The following CHST15 variants were observed in gnomAD, a reference collection of about 807,000 sequenced individuals.
CHST15 encodes the protein carbohydrate sulfotransferase 15.
Under a neutral mutation model 53.6 loss-of-function variants are expected in CHST15, and 30 were observed. The ratio of observed to expected loss-of-function variants is 0.56; its 90% CI spans 0.42 to 0.76. The LOEUF is 0.76. Ranked by LOEUF, CHST15 falls within the 30% of genes least tolerant of loss-of-function variation. The probability of loss-of-function intolerance (pLI) is 0.00; values close to 1 mark genes in which losing one functional copy is unlikely to be tolerated. For synonymous variants in CHST15, 296 were observed against 289.8 expected (o/e 1.02, Z -0.22); for missense variants, 627 against 740.5 (o/e 0.85, Z 1.78).
intron 5 of CHST15, among the ~76,000 whole-genome samples, chr10:124,028,988 C>T (rs1231346263): frequency 6.6e-6 from 1 of 152,068 alleles, no homozygotes; most frequent in South Asian, 2.1e-4. Flanking sequence ...TGGGGACACA[C>T]TCATGTCCTC....
At chr10:124,061,167 C>A (rs950621552) in intron 1 of CHST15, among the ~76,000 whole-genome samples, 33 of 152,166 alleles carry the variant, frequency 2.2e-4, no homozygotes, top group African/African-American at 7.7e-4. Context: ...GAGGATGGGA[C>A]ATGCACATTC....
At chr10:124,088,857 T>A (rs879718259) in intron 1 of CHST15, among the ~76,000 whole-genome samples, 1 of 152,188 alleles carries the variant, frequency 6.6e-6, no homozygotes, top group Non-Finnish European at 1.5e-5. Flanking sequence ...TCCTGGACAC[T>A]CCTAACTAGA....
chr10:124,012,180 G>A (rs1459140639), intron 7 of CHST15, among the ~76,000 whole-genome samples, 153 bp downstream of exon 7: 1 of 152,052 alleles, frequency 6.6e-6, no homozygotes, highest in African/African-American at 2.4e-5. Flanking sequence ...TCAATAAATG[G>A]TACTTAACAG....
At position 124,008,653 on chromosome 10, in the gene CHST15, C is replaced by A; in HGVS notation, c.*1496G>T. 9.6e-7 allele frequency: 1 copy of A among 1,039,012 alleles called. No individual in the cohort carries two copies. Among genetic ancestry groups the A allele is most frequent in the Non-Finnish European group, 1.2e-6 (1 of 858,854 alleles). 64.4% of individuals were successfully genotyped at this position (1,039,012 alleles called of 1,614,324 possible). On this transcript the variant is annotated 3_prime_UTR_variant, in exon 8 of 8. Coordinates refer to ENST00000435907, the MANE Select transcript of CHST15 (RefSeq NM_001270764.2). ...AAAGACGGCTGAACAACTGCAGATC[C>A]TCCTACCCCCGAAGCCTGGTCTGTC...
chr10:124,092,649 C>T (rs2134284473), intron 1 of CHST15, among the ~76,000 whole-genome samples: 1 of 152,338 alleles, frequency 6.6e-6, no homozygotes, highest in South Asian at 2.1e-4. Flanking sequence ...AGGCTAGAGC[C>T]AGGGTTCTGG....
In CHST15 at chr10:124,019,945, C is replaced by T; in HGVS notation, c.1347+1311G>A. 1 of 985,886 alleles carries T rather than the reference C, an allele frequency of 1.0e-6. No homozygotes were observed. Among genetic ancestry groups the T allele is most frequent in the African/African-American group, 1.7e-5 (1 of 57,368 alleles). The allele number at this position is 985,886 out of a possible 1,614,324, so 61.1% of individuals were successfully genotyped here. A position where few individuals can be genotyped will look rare whatever the true frequency, so the allele number is the denominator to read the frequency against. On this transcript the variant is annotated intron_variant, in intron 6 of 7. Transcript: ENST00000435907. This position sits in a 1 kb window ranked among gnomAD's most constrained non-coding sequence, Gnocchi z 4.6. ...CCTCTGCACACGCTGCTCTCAGTTC[C>T]CTGGCCAACTCTCCTTCAGGCCTCA...
At chr10:124,014,219 G>T (rs1383879906) in intron 6 of CHST15, among the ~76,000 whole-genome samples, 1 of 152,156 alleles carries the variant, frequency 6.6e-6, no homozygotes, top group Non-Finnish European at 1.5e-5. Context: ...CAGGGACTGT[G>T]GCTTCTCCAC....
chr10:124,062,958 T>G (rs1948631916), intron 1 of CHST15, among the ~76,000 whole-genome samples: 1 of 152,056 alleles, frequency 6.6e-6, no homozygotes, highest in Admixed American at 6.6e-5. Flanking sequence ...ACCAGCAATG[T>G]CTGAATAAAA....
intron 1 of CHST15, among the ~76,000 whole-genome samples, chr10:124,050,354 A>C (rs1326928620): frequency 6.6e-6 from 1 of 152,250 alleles, no homozygotes; most frequent in Non-Finnish European, 1.5e-5. Context: ...AGATAATCAC[A>C]GATGCTGCTA....
In CHST15 at chr10:124,038,070, C is replaced by T. The variant is rs775669057; in HGVS notation, c.1190+445G>A. 4.6e-5 allele frequency among the ~76,000 whole-genome samples: 7 copies of T among 151,948 alleles called. No homozygotes were observed. In the East Asian group the frequency reaches 7.7e-4, roughly 17 times the overall value. On this transcript the variant is annotated intron_variant, in intron 5 of 7. Coordinates refer to ENST00000435907, the MANE Select transcript of CHST15 (RefSeq NM_001270764.2). ...ACACTTACGTAAGAAACAGCAGTAA[C>T]GTTGCAAGTTCCGTTTATTTTTGTT...
chr10:124,029,992 C>T (rs750400761), intron 5 of CHST15, among the ~76,000 whole-genome samples: 35 of 152,342 alleles, frequency 2.3e-4, no homozygotes, highest in Middle Eastern at 3.4e-3. Context: ...TCCTCCTGCT[C>T]GGAACCGTCC....
In CHST15 at chr10:124,009,037, G is replaced by T; in HGVS notation, c.*1112C>A. ...ATTGTGTTTTGGAATTGGGACACGA[G>T]TATCTATAGTCCCTTGCTGGGTGAG... is the stretch of plus-strand genomic sequence containing the variant. On this transcript the variant is annotated 3_prime_UTR_variant, in exon 8 of 8. Transcript: ENST00000435907. 7.8e-7 allele frequency: 1 copy of T among 1,289,160 alleles called. No individual in the cohort carries two copies. Among genetic ancestry groups the T allele is most frequent in the Non-Finnish European group, 1.0e-6 (1 of 988,682 alleles). The allele number at this position is 1,289,160 out of a possible 1,614,324, so 79.9% of individuals were successfully genotyped here.
chr10:124,071,268 A>C (rs575708834), intron 1 of CHST15, among the ~76,000 whole-genome samples: 5 of 152,344 alleles, frequency 3.3e-5, no homozygotes, highest in African/African-American at 1.2e-4. Context: ...CTTTGGGCAA[A>C]GTACCCAAGG....
At position 124,009,734 on chromosome 10, in the gene CHST15, G is replaced by T. The variant is rs554047102; in HGVS notation, c.*415C>A. 7.8e-6 allele frequency: 8 copies of T among 1,031,904 alleles called. No homozygotes were observed. The highest frequency in any genetic ancestry group is 8.2e-6 in the Non-Finnish European group (7 of 857,692). The allele number at this position is 1,031,904 out of a possible 1,614,324, so 63.9% of individuals were successfully genotyped here. A position where few individuals can be genotyped will look rare whatever the true frequency, so the allele number is the denominator to read the frequency against. ...GGGGGAAAAAAAGGGAACGTGAAGT[G>T]TAAGTTCCAGCCAGGCCTGTGGCAT... is the stretch of plus-strand genomic sequence containing the variant. On this transcript the variant is annotated 3_prime_UTR_variant, in exon 8 of 8. Transcript: ENST00000435907.
intron 1 of CHST15, 142 bp downstream of exon 1, chr10:124,093,327 A>C (rs1476355297): frequency 6.6e-6 from 1 of 151,434 alleles, no homozygotes; most frequent in Non-Finnish European, 1.5e-5. Flanking sequence ...GCCGGCCCGG[A>C]CTCCCTACGC....
chr10:124,068,606 A>G (rs1481371127), intron 1 of CHST15, among the ~76,000 whole-genome samples: 2 of 152,230 alleles, frequency 1.3e-5, no homozygotes, highest in Non-Finnish European at 2.9e-5. Flanking sequence ...GAAATGAATT[A>G]CTTTGCTGTC....
intron 1 of CHST15, among the ~76,000 whole-genome samples, chr10:124,059,434 G>T (rs182534852): frequency 6.6e-6 from 1 of 152,242 alleles, no homozygotes; most frequent in East Asian, 1.9e-4. Flanking sequence ...ATGAAAAGCA[G>T]CAGCCCAGAG....
At position 124,036,819 on chromosome 10, in the gene CHST15, T is replaced by C. The variant is rs150116314; in HGVS notation, c.1190+1696A>G. On this transcript the variant is annotated intron_variant, in intron 5 of 7. Transcript: ENST00000435907. The surrounding 1 kb of genome is among the most constrained non-coding windows in gnomAD (Gnocchi z 5.1). ...CCACAACAAACACGCCTTATTGTTA[T>C]AATTGGCAAATACGTGGGGCCAGGA... is the stretch of plus-strand genomic sequence containing the variant. Among the ~76,000 whole-genome samples the C allele has an allele frequency of 1.2e-3, 184 of 152,338 alleles. No homozygotes were observed. The highest frequency in any genetic ancestry group is 4.0e-3 in the African/African-American group (168 of 41,574).
chr10:124,013,802 C>T (rs4590808), intron 6 of CHST15, among the ~76,000 whole-genome samples: 39,915 of 151,978 alleles, frequency 0.26, 5,341 homozygotes, highest in East Asian at 0.36. Flanking sequence ...TCCAAGTGCC[C>T]AGGGACCCTG....
Sources: gnomAD v4.1 joint callset for allele counts (sites outside exome capture counted in the v4.1 genomes callset) on GRCh38, gnomAD v4.1.1 for gene constraint, Gnocchi (gnomAD v3.1) non-coding constraint, MANE v1.5 for transcripts, NCBI Gene and HGNC (gene_info 2026-07-23, HGNC 2026-07-21) for gene names.